Variants in C1orf21 observed in about 807,000 individuals in gnomAD.
C1orf21 encodes the protein uncharacterized protein C1orf21.
In C1orf21, 3 loss-of-function variants were observed where a neutral mutation model predicts 18.7. The observed-to-expected ratio is 0.16, with a 90% CI of 0.07 to 0.42. The LOEUF is 0.42. C1orf21 is among the 10% of genes least tolerant of loss of function. The pLI is 0.99. For synonymous variants in C1orf21, 41 were observed against 46.4 expected (o/e 0.88, Z 0.47); for missense variants, 104 against 143.6 (o/e 0.72, Z 1.41).
At chr1:184,596,309 C>A (rs1246267386) in intron 4 of C1orf21, among the ~76,000 whole-genome samples, 4 of 152,136 alleles carry the variant, frequency 2.6e-5, no homozygotes, top group Admixed American at 2.6e-4. Context: ...GCACATCACC[C>A]CTGCTGACAA....
intron 5 of C1orf21, among the ~76,000 whole-genome samples, chr1:184,609,627 A>C (rs1030756120): frequency 6.6e-6 from 1 of 152,234 alleles, no homozygotes; most frequent in Non-Finnish European, 1.5e-5. Context: ...TAACTGTTAC[A>C]CTTGAGAAGA....
At chr1:184,450,801 C>G (rs1657109849) in intron 1 of C1orf21, among the ~76,000 whole-genome samples, 1 of 152,132 alleles carries the variant, frequency 6.6e-6, no homozygotes, top group East Asian at 1.9e-4. Context: ...TCTTTAAAAT[C>G]AGAAATGATG....
intron 1 of C1orf21, among the ~76,000 whole-genome samples, chr1:184,464,327 G>A (rs1026885446): frequency 6.6e-6 from 1 of 152,324 alleles, no homozygotes; most frequent in Middle Eastern, 3.4e-3. Context: ...CCTGCACTAT[G>A]ATGAGGGCTA....
rs573748846 is a variant in C1orf21 at position 184,412,610 on chromosome 1, A to G, written c.-125+25242A>G. Among the ~76,000 whole-genome samples the G allele has an allele frequency of 3.3e-5, 5 of 152,150 alleles. No homozygotes were observed. The South Asian group carries it at 8.3e-4, about 25-fold the overall frequency. On this transcript the variant is annotated intron_variant, in intron 1 of 5. Transcript: ENST00000235307. The stretch of plus-strand genomic sequence containing the variant: ...ACACTATCAGTCACAAGATTCTGTT[A>G]TAGCCTGGGCAACATAGTGAGACCC...
chr1:184,471,701 C>T (rs1411833518), intron 1 of C1orf21, among the ~76,000 whole-genome samples: 1 of 152,120 alleles, frequency 6.6e-6, no homozygotes, highest in Non-Finnish European at 1.5e-5. Context: ...TGCATAAACA[C>T]TTATTGTGGT....
At chr1:184,567,071 C>A (rs930792292) in intron 3 of C1orf21, 1 of 491,580 alleles carries the variant, frequency 2.0e-6, no homozygotes, top group Non-Finnish European at 4.1e-6. Flanking sequence ...GAAAAACATC[C>A]TTGAGAAAGA....
chr1:184,418,386 A>G (rs1656493466), intron 1 of C1orf21, among the ~76,000 whole-genome samples: 1 of 151,908 alleles, frequency 6.6e-6, no homozygotes, highest in East Asian at 1.9e-4. Flanking sequence ...ATTTTTTTGT[A>G]TGTTTTTTGT....
At chr1:184,588,446 AG>A (rs1180527695) in intron 3 of C1orf21, among the ~76,000 whole-genome samples, 1 of 152,148 alleles carries the variant, frequency 6.6e-6, no homozygotes, top group African/African-American at 2.4e-5. Context: ...GACCCTAAAA[AG>A]TTTGAGAAAT....
intron 1 of C1orf21, among the ~76,000 whole-genome samples, chr1:184,430,831 T>C (rs1467559265): frequency 6.6e-6 from 1 of 152,234 alleles, no homozygotes. Context: ...AGAAAGTCAA[T>C]GGCAGCTTGA....
chr1:184,528,710 G>A (rs1658414507), intron 3 of C1orf21, among the ~76,000 whole-genome samples: 1 of 152,068 alleles, frequency 6.6e-6, no homozygotes, highest in Non-Finnish European at 1.5e-5. Flanking sequence ...CTCCCAAATT[G>A]AGCATTATAT....
intron 2 of C1orf21, among the ~76,000 whole-genome samples, chr1:184,488,260 G>C (rs1171751671): frequency 6.6e-6 from 1 of 152,148 alleles, no homozygotes; most frequent in East Asian, 1.9e-4. Context: ...CATGATTCAG[G>C]AATGATGAAT....
chr1:184,491,929 C>T (rs1282011541), intron 2 of C1orf21, among the ~76,000 whole-genome samples: 1 of 152,158 alleles, frequency 6.6e-6, no homozygotes. Context: ...CATTCTGAGG[C>T]GTAAAGTCTC....
At chr1:184,451,611 A>C (rs924545874) in intron 1 of C1orf21, among the ~76,000 whole-genome samples, 1 of 151,678 alleles carries the variant, frequency 6.6e-6, no homozygotes, top group Admixed American at 6.6e-5. Context: ...AATCTGGAAC[A>C]TTTTTCTAAT....
At position 184,575,896 on chromosome 1, in the gene C1orf21, C is replaced by A. The variant is rs148962887; in HGVS notation, c.190-14843C>A. Among the ~76,000 whole-genome samples, 1,148 of 152,076 alleles carry A rather than the reference C, an allele frequency of 7.5e-3. 6 individuals are homozygous for A. The highest frequency in any genetic ancestry group is 0.02 in the Middle Eastern group (6 of 294). On this transcript the variant is annotated intron_variant, in intron 3 of 5. Transcript: ENST00000235307. ...TGTAATTGATACAAATAGGAAGACCCTCTTGCCTGTTGGGCCACAGAGGTG... is the reference window on the plus strand; with the variant it reads ...TGTAATTGATACAAATAGGAAGACCATCTTGCCTGTTGGGCCACAGAGGTG...
At chr1:184,483,890 G>A (rs1478419415) in intron 2 of C1orf21, among the ~76,000 whole-genome samples, 1 of 141,786 alleles carries the variant, frequency 7.1e-6, no homozygotes, top group Admixed American at 7.5e-5. Flanking sequence ...ATCCACCTTT[G>A]CTGCCTTTGT....
intron 3 of C1orf21, among the ~76,000 whole-genome samples, chr1:184,558,324 G>A (rs1025087797): frequency 9.2e-5 from 14 of 152,112 alleles, no homozygotes; most frequent in Non-Finnish European, 2.9e-5. Context: ...GATTTCTATG[G>A]CCCTGATTTG....
chr1:184,458,211 C>T (rs1180074952), intron 1 of C1orf21, among the ~76,000 whole-genome samples: 1 of 152,162 alleles, frequency 6.6e-6, no homozygotes, highest in Non-Finnish European at 1.5e-5. Flanking sequence ...CCTTCCTCCC[C>T]TTACAAGCTT....
chr1:184,583,760 T>A (rs774549106), intron 3 of C1orf21, among the ~76,000 whole-genome samples: 16 of 152,192 alleles, frequency 1.1e-4, no homozygotes, highest in South Asian at 4.1e-4. Flanking sequence ...ACATCCCAGA[T>A]GATTCTGATT....
At chr1:184,553,342 T>G (rs1274688634) in intron 3 of C1orf21, among the ~76,000 whole-genome samples, 1 of 152,236 alleles carries the variant, frequency 6.6e-6, no homozygotes, top group Non-Finnish European at 1.5e-5. Context: ...TAAATGATTT[T>G]TAAACTAATT....
Sources: gnomAD v4.1 joint callset for allele counts (sites outside exome capture counted in the v4.1 genomes callset) on GRCh38, gnomAD v4.1.1 for gene constraint, MANE v1.5 for transcripts, NCBI Gene and HGNC (gene_info 2026-07-23, HGNC 2026-07-21) for gene names.